The following ADAD1 variants were observed in gnomAD, a reference collection of about 807,000 sequenced individuals.
ADAD1 encodes the protein adenosine deaminase domain containing 1, also known as adenosine deaminase domain-containing protein 1.
Under a neutral mutation model 66.8 loss-of-function variants are expected in ADAD1, and 46 were observed. The ratio of observed to expected loss-of-function variants is 0.69; its 90% CI spans 0.54 to 0.88. The LOEUF (loss-of-function observed/expected upper bound fraction) is 0.88. Among genes scored for constraint, ADAD1 ranks in the 40% least tolerant of loss-of-function variants. The pLI is 0.00. For missense variants in ADAD1, 617 were observed against 681.8 expected, an observed-to-expected ratio of 0.91 and a Z score of 1.06; for synonymous variants, 248 against 229.4, an observed-to-expected ratio of 1.08 and a Z score of -0.73.
intron 2 of ADAD1, 83 bp from the exon 3 acceptor site, chr4:122,379,979 T>TG (rs1003914509): frequency 1.5e-4 from 204 of 1,343,388 alleles, no homozygotes; most frequent in East Asian, 4.9e-4. Context: ...ATGGAAATAA[T>TG]GGGGGGGTGG....
Position 122,415,384 on chromosome 4 carries a change from G to A in ADAD1, c.1255G>A (p.Gly419Arg). 6.2e-7 allele frequency: 1 copy of A among 1,607,594 alleles called. No homozygotes were observed. Among genetic ancestry groups the A allele is most frequent in the African/African-American group, 1.3e-5 (1 of 74,756 alleles). ...VYISSILIGD[G>R]NCSDTRGLEI... The stretch of plus-strand genomic sequence containing the variant: ...GTTTTGTTTTTGCTTTCTAGGTGAT[G>A]GGAATTGCAGTGATACCAGAGGCTT... Residue 419 changes from glycine (G) to arginine (R), a missense_variant, in exon 11 of 13, where the codon GGG becomes AGG. Coordinates refer to ENST00000296513, the MANE Select transcript of ADAD1 (RefSeq NM_139243.4).
rs949924289 is a variant in ADAD1, at chr4:122,401,052, G to C, written c.724+4675G>C. 2.6e-5 allele frequency among the ~76,000 whole-genome samples: 4 copies of C among 151,986 alleles called. No homozygotes were observed. The South Asian group carries it at 8.3e-4, about 32-fold the overall frequency. Reference sequence around the variant, plus strand: ...TTTTCTTCTGCTGTGTTTGGGTTTGGTTTGTTCTTGTTTCTCTAGTTCCTT... The same window carrying C: ...TTTTCTTCTGCTGTGTTTGGGTTTGCTTTGTTCTTGTTTCTCTAGTTCCTT... On this transcript the variant is annotated intron_variant, in intron 7 of 12. Coordinates refer to ENST00000296513, the MANE Select transcript of ADAD1 (RefSeq NM_139243.4).
At chr4:122,427,769 C>T (rs1179535092) in intron 12 of ADAD1, among the ~76,000 whole-genome samples, 1 of 151,842 alleles carries the variant, frequency 6.6e-6, no homozygotes, top group Non-Finnish European at 1.5e-5. Context: ...CTTCTGACCT[C>T]AAGTGCTCCA....
At position 122,422,978 on chromosome 4, in the gene ADAD1, AAG is replaced by A. The variant is rs1179931001; in HGVS notation, c.1617+1590_1617+1591del. Among the ~76,000 whole-genome samples, 38 of 141,222 alleles carry A rather than the reference AAG, an allele frequency of 2.7e-4. No homozygotes were observed. The East Asian group carries it at 3.9e-3, about 15-fold the overall frequency. The allele number at this position is 141,222 out of a possible 152,430, so 92.6% of individuals were successfully genotyped here. On this transcript the variant is annotated intron_variant, in intron 12 of 12. Transcript: ENST00000296513. Reference sequence around the variant, plus strand: ...CTTTAAAAAAAAAAAAAAAAAAAAAAAGAAGAAGAAGAAGAAGAAGGAAAAAC... The same window carrying A: ...CTTTAAAAAAAAAAAAAAAAAAAAAAAAGAAGAAGAAGAAGAAGGAAAAAC...
intron 11 of ADAD1, 43 bp downstream of exon 11, chr4:122,415,659 A>G (rs1168715298): frequency 2.0e-6 from 3 of 1,523,900 alleles, no homozygotes; most frequent in Non-Finnish European, 2.7e-6. Context: ...TACTTAAGCA[A>G]AAGAAGACAT....
intron 5 of ADAD1, among the ~76,000 whole-genome samples, chr4:122,387,483 AAC>A (rs747989806): frequency 2.0e-5 from 3 of 152,168 alleles, no homozygotes; most frequent in South Asian, 4.1e-4. Context: ...GTCGTCTACA[AAC>A]AGAGACAAAT....
intron 7 of ADAD1, among the ~76,000 whole-genome samples, chr4:122,404,797 C>T (rs76715183): frequency 0.013 from 1,925 of 152,200 alleles, 15 homozygotes; most frequent in Non-Finnish European, 0.021. Context: ...TCCCCTGCCA[C>T]CAAATCTATA....
intron 7 of ADAD1, among the ~76,000 whole-genome samples, chr4:122,399,337 C>T (rs567894462): frequency 1.3e-5 from 2 of 151,876 alleles, no homozygotes; most frequent in African/African-American, 2.4e-5. Flanking sequence ...CATTATTCTG[C>T]GTGCCTAGTT....
intron 7 of ADAD1, among the ~76,000 whole-genome samples, chr4:122,403,808 G>A (rs146985847): frequency 7.6e-4 from 115 of 152,246 alleles, no homozygotes; most frequent in Non-Finnish European, 1.2e-3. Flanking sequence ...TCAGATAGAA[G>A]CAGGGTTAGG....
intron 8 of ADAD1, among the ~76,000 whole-genome samples, chr4:122,410,272 T>G (rs1023250574): frequency 2.0e-5 from 3 of 152,198 alleles, no homozygotes. Context: ...ATGGAATTAT[T>G]TGACCTCTTT....
rs139643444 is a variant in ADAD1 at position 122,380,095 on chromosome 4, A to G, written c.26A>G (p.Gln9Arg). The part of the protein sequence containing the change: MASNNHWF[Q>R]SSQVPSFAQM... ...ATGGCTAGCAACAATCATTGGTTTC[A>G]GAGTTCGCAGGTCCCCAGCTTTGCC... is the stretch of plus-strand genomic sequence containing the variant. The change falls in exon 3 of 13, where the codon CAG (glutamine) becomes CGG (arginine). Residue 9 changes from glutamine to arginine, a missense_variant. Transcript: ENST00000296513. The G allele has an allele frequency of 2.3e-4, 365 of 1,613,242 alleles. No individual in the cohort carries two copies. Among genetic ancestry groups the G allele is most frequent in the Non-Finnish European group, 3.0e-4 (350 of 1,179,772 alleles).
At position 122,415,065 on chromosome 4, in the gene ADAD1, A is replaced by G. The variant is rs545210469; in HGVS notation, c.1250-314A>G. Among the ~76,000 whole-genome samples the G allele has an allele frequency of 2.0e-5, 3 of 152,254 alleles. No homozygotes were observed. In the South Asian group the frequency reaches 6.2e-4, roughly 32 times the overall value. ...CAATGCGGTCAACAAATCTGGATGT[A>G]CCAGATTTCTTTCTGAGTCAGTTAC... On this transcript the variant is annotated intron_variant, in intron 10 of 12. Transcript: ENST00000296513.
chr4:122,407,557 G>A (rs1234803822), intron 7 of ADAD1, among the ~76,000 whole-genome samples: 2 of 152,196 alleles, frequency 1.3e-5, no homozygotes, highest in Non-Finnish European at 2.9e-5. Flanking sequence ...GACAGAAGCA[G>A]AATGGCAAAT....
intron 10 of ADAD1, 144 bp downstream of exon 10, chr4:122,412,953 G>A (rs1020825740): frequency 4.6e-6 from 3 of 656,732 alleles, no homozygotes; most frequent in Non-Finnish European, 7.6e-6. Context: ...GTTTTGTAGA[G>A]CTGTTGGTTT....
chr4:122,398,327 T>A (rs1233513556), intron 7 of ADAD1, among the ~76,000 whole-genome samples: 2 of 149,650 alleles, frequency 1.3e-5, no homozygotes, highest in Non-Finnish European at 3.0e-5. Flanking sequence ...GGTGTGTGTG[T>A]GTGTGTGTGT....
rs551359362 is a variant in ADAD1 at position 122,412,565 on chromosome 4, C to G, written c.1020-15C>G. 6.2e-7 allele frequency: 1 copy of G among 1,604,144 alleles called. No individual in the cohort carries two copies. Among genetic ancestry groups the G allele is most frequent in the South Asian group, 1.1e-5 (1 of 90,068 alleles). On this transcript the variant is annotated splice_polypyrimidine_tract_variant and intron_variant, in intron 9 of 12. Coordinates refer to ENST00000296513, the MANE Select transcript of ADAD1 (RefSeq NM_139243.4). ...TTTGTTTTTTAAAGGAAGAAACTTT[C>G]TTTTCTTTCTCTAGACGTCTTAATC...
chr4:122,424,401 T>C (rs1175547698), intron 12 of ADAD1, among the ~76,000 whole-genome samples: 1 of 152,178 alleles, frequency 6.6e-6, no homozygotes, highest in Non-Finnish European at 1.5e-5. Flanking sequence ...CACTGTGTTG[T>C]TGAGTTTATG....
At chr4:122,397,053 G>C (rs1474078500) in intron 7 of ADAD1, among the ~76,000 whole-genome samples, 2 of 152,124 alleles carry the variant, frequency 1.3e-5, no homozygotes, top group South Asian at 2.1e-4. Context: ...GTAACTTTAA[G>C]GGTTGATAAA....
At chr4:122,390,011 G>T (rs922974888) in intron 5 of ADAD1, among the ~76,000 whole-genome samples, 4 of 152,068 alleles carry the variant, frequency 2.6e-5, no homozygotes, top group Non-Finnish European at 5.9e-5. Flanking sequence ...TTTCATTTCC[G>T]TATTTAGTGC....
Sources: allele counts gnomAD v4.1 joint callset (sites outside exome capture counted in the v4.1 genomes callset), GRCh38; gene constraint gnomAD v4.1.1; transcripts MANE v1.5; gene names NCBI Gene and HGNC (gene_info 2026-07-23, HGNC 2026-07-21).